The following EIF2B3 variants were observed in gnomAD, a reference collection of about 807,000 sequenced individuals.
EIF2B3 encodes the protein translation initiation factor eIF2B subunit gamma.
A neutral mutation model predicts 54.1 loss-of-function variants in EIF2B3; 20 were observed. That is an observed-to-expected ratio of 0.37 (90% CI 0.26 to 0.54). The LOEUF is 0.54. Ranked by LOEUF, EIF2B3 falls within the 20% of genes least tolerant of loss-of-function variation. The probability of loss-of-function intolerance (pLI) is 0.86; values close to 1 mark genes in which losing one functional copy is unlikely to be tolerated. For synonymous variants in EIF2B3, 153 were observed against 188.1 expected, an observed-to-expected ratio of 0.81 and a Z score of 1.52; for missense variants, 448 against 547.8, an observed-to-expected ratio of 0.82 and a Z score of 1.82.
At chr1:44,976,920 CA>C (rs1644458754) in intron 3 of EIF2B3, among the ~76,000 whole-genome samples, 1 of 152,104 alleles carries the variant, frequency 6.6e-6, no homozygotes, top group African/African-American at 2.4e-5. Flanking sequence ...AAGGAACTTT[CA>C]GGGGTGATGG....
In EIF2B3 at chr1:44,967,302, C is replaced by T. The variant is rs183227949; in HGVS notation, c.294+11013G>A. ...TCTCTAATAAAAATACAAAAATTAG[C>T]CAGGCATGGTGGCTCACACCTGTAG... On this transcript the variant is annotated intron_variant, in intron 3 of 11. Transcript: ENST00000360403. 1.3e-3 allele frequency among the ~76,000 whole-genome samples: 197 copies of T among 150,810 alleles called. 1 individual carries two copies. Among genetic ancestry groups the T allele is most frequent in the African/African-American group, 4.5e-3 (186 of 41,174 alleles).
Position 44,881,913 on chromosome 1 carries a change from G to A in EIF2B3, c.657-174C>T, listed in dbSNP as rs534521944. Reference sequence around the variant, plus strand: ...GTTCGGAGAAGCAGAGTGCTTCCTGGTGGGTACTGAGACAGGATGTTGGGT... The same window carrying A: ...GTTCGGAGAAGCAGAGTGCTTCCTGATGGGTACTGAGACAGGATGTTGGGT... On this transcript the variant is annotated intron_variant, in intron 6 of 11. Transcript: ENST00000360403. The surrounding 1 kb of genome is among the most constrained non-coding windows in gnomAD (Gnocchi z 4.0). Among the ~76,000 whole-genome samples, 3 of 152,326 alleles carry A rather than the reference G, an allele frequency of 2.0e-5. No homozygotes were observed. Among genetic ancestry groups the A allele is most frequent in the Admixed American group, 2.0e-4 (3 of 15,298 alleles).
chr1:44,901,548 G>GC (rs1348656756), intron 5 of EIF2B3, among the ~76,000 whole-genome samples: 7 of 143,890 alleles, frequency 4.9e-5, no homozygotes, highest in African/African-American at 1.6e-4. Context: ...ACTGGGCCTG[G>GC]CCTTTTTTTT....
At chr1:44,982,052 TAA>T (rs1340550078) in intron 1 of EIF2B3, among the ~76,000 whole-genome samples, 2 of 152,066 alleles carry the variant, frequency 1.3e-5, no homozygotes, top group African/African-American at 4.8e-5. Flanking sequence ...TGAAATGACT[TAA>T]GACTCCTCCA....
intron 4 of EIF2B3, among the ~76,000 whole-genome samples, chr1:44,936,359 C>G (rs1463842682): frequency 1.3e-5 from 2 of 151,102 alleles, no homozygotes; most frequent in African/African-American, 4.9e-5. Flanking sequence ...GCGGGTGGAT[C>G]ACTTGAGGTC....
rs1245889508 is a variant in EIF2B3, at chr1:44,881,485, G to C, written c.784+127C>G. Reference sequence around the variant, plus strand: ...CTCAGTGGGTTGGCAAGCCTGTCTTGCCTCGTAGGCTAGAAATAGTCTGCT... The same window carrying C: ...CTCAGTGGGTTGGCAAGCCTGTCTTCCCTCGTAGGCTAGAAATAGTCTGCT... On this transcript the variant is annotated intron_variant, in intron 7 of 11. Transcript: ENST00000360403. This position sits in a 1 kb window ranked among gnomAD's most constrained non-coding sequence, Gnocchi z 4.0. 2 of 1,333,778 alleles carry C rather than the reference G, an allele frequency of 1.5e-6. No homozygotes were observed. The highest frequency in any genetic ancestry group is 3.4e-5 in the Admixed American group (2 of 58,666). 82.6% of individuals were successfully genotyped at this position (1,333,778 alleles called of 1,614,324 possible).
At chr1:44,872,031 C>T (rs1435568463) in intron 10 of EIF2B3, among the ~76,000 whole-genome samples, 8 of 151,820 alleles carry the variant, frequency 5.3e-5, no homozygotes, top group Non-Finnish European at 1.0e-4. Flanking sequence ...TCAACTAATT[C>T]TTGTATATGT....
Position 44,972,250 on chromosome 1 carries a change from AACAC to A in EIF2B3, c.294+6061_294+6064del, listed in dbSNP as rs765384486. Among the ~76,000 whole-genome samples the A allele has an allele frequency of 5.3e-4, 46 of 86,516 alleles. 1 individual carries two copies. The highest frequency in any genetic ancestry group is 2.5e-3 in the African/African-American group (46 of 18,528). The allele number at this position is 86,516 out of a possible 152,430, so 56.8% of individuals were successfully genotyped here. A position where few individuals can be genotyped will look rare whatever the true frequency, so the allele number is the denominator to read the frequency against. On this transcript the variant is annotated intron_variant, in intron 3 of 11. Coordinates refer to ENST00000360403, the MANE Select transcript of EIF2B3 (RefSeq NM_020365.5). ...AAAAAAATACACACACACACACACA[AACAC>A]ACACACACACACATATACACACACA...
intron 11 of EIF2B3, among the ~76,000 whole-genome samples, chr1:44,851,548 G>T (rs1654272126): frequency 6.6e-6 from 1 of 152,126 alleles, no homozygotes; most frequent in African/African-American, 2.4e-5. Context: ...CTGAAACTGG[G>T]TCTTAAAGGG....
At chr1:44,979,393 C>T (rs990914677) in intron 2 of EIF2B3, among the ~76,000 whole-genome samples, 4 of 146,228 alleles carry the variant, frequency 2.7e-5, no homozygotes, top group African/African-American at 1.0e-4. Context: ...AAAAAACACT[C>T]TGGGAAGCCA....
chr1:44,975,473 G>T (rs2148962776), intron 3 of EIF2B3, among the ~76,000 whole-genome samples: 1 of 152,178 alleles, frequency 6.6e-6, no homozygotes, highest in East Asian at 1.9e-4. Context: ...TAACAAACCT[G>T]TATGTTATTA....
At chr1:44,951,935 G>A (rs1490304491) in intron 3 of EIF2B3, among the ~76,000 whole-genome samples, 2 of 126,822 alleles carry the variant, frequency 1.6e-5, no homozygotes, top group African/African-American at 6.0e-5. Flanking sequence ...TTACAGGGGC[G>A]CACCACCATG....
At chr1:44,978,546 T>C (rs961989293) in intron 2 of EIF2B3, 86 bp from the exon 3 acceptor site, 29 of 1,422,432 alleles carry the variant, frequency 2.0e-5, no homozygotes, top group Non-Finnish European at 2.8e-5. Flanking sequence ...ATTTGGTCTA[T>C]TTCTAGGTGT....
intron 5 of EIF2B3, among the ~76,000 whole-genome samples, chr1:44,908,886 G>C (rs1324488753): frequency 6.6e-6 from 1 of 152,176 alleles, no homozygotes; most frequent in Non-Finnish European, 1.5e-5. Flanking sequence ...AGTCATGGAT[G>C]GGGTAGCTGG....
intron 10 of EIF2B3, among the ~76,000 whole-genome samples, chr1:44,858,470 C>CA (rs1281863196): frequency 1.3e-5 from 2 of 151,892 alleles, no homozygotes; most frequent in Non-Finnish European, 2.9e-5. Flanking sequence ...CATACTCATT[C>CA]AAAAAAATTT....
chr1:44,983,196 G>A (rs1644532976), intron 1 of EIF2B3, among the ~76,000 whole-genome samples: 1 of 152,234 alleles, frequency 6.6e-6, no homozygotes, highest in African/African-American at 2.4e-5. Context: ...TTAGAGGCAT[G>A]AGCCACTGCA....
chr1:44,949,302 C>T (rs965243424), intron 3 of EIF2B3, among the ~76,000 whole-genome samples: 2 of 152,188 alleles, frequency 1.3e-5, no homozygotes, highest in African/African-American at 4.8e-5. Flanking sequence ...GATATATTAT[C>T]TCCCCTAGAG....
chr1:44,857,009 T>G (rs1021972977), intron 11 of EIF2B3, among the ~76,000 whole-genome samples: 2 of 152,012 alleles, frequency 1.3e-5, no homozygotes, highest in South Asian at 2.1e-4. Context: ...CCTGCTATGT[T>G]GTCTAGGCTC....
At chr1:44,937,239 A>AGGTCTAT (rs1643958257) in intron 4 of EIF2B3, 1 of 152,244 alleles carries the variant, frequency 6.6e-6, no homozygotes, top group South Asian at 2.1e-4. Flanking sequence ...GCTAGTGCTC[A>AGGTCTAT]GGTCTATCTT....
Sources: allele counts gnomAD v4.1 joint callset (sites outside exome capture counted in the v4.1 genomes callset), GRCh38; gene constraint gnomAD v4.1.1; non-coding constraint Gnocchi (gnomAD v3.1); transcripts MANE v1.5; gene names NCBI Gene and HGNC (gene_info 2026-07-23, HGNC 2026-07-21).